The following ARK2C variants were observed in gnomAD, a reference collection of about 807,000 sequenced individuals.
The protein encoded by ARK2C is E3 ubiquitin-protein ligase ARK2C.
At chr18:46,385,449 A>G in the ARK2C span, among the ~76,000 whole-genome samples, 2 of 152,210 alleles carry the variant, frequency 1.3e-5, no homozygotes, top group Non-Finnish European at 2.9e-5. Context: ...GTGTTGCACA[A>G]GGATGTCCAG....
At chr18:46,346,495 G>T in the ARK2C span, among the ~76,000 whole-genome samples, 1 of 152,178 alleles carries the variant, frequency 6.6e-6, no homozygotes, top group African/African-American at 2.4e-5. Flanking sequence ...CTTCTTGGGG[G>T]CCGAGGGGAT....
chr18:46,447,377 T>C, the ARK2C span: 1,111 of 649,700 alleles, frequency 1.7e-3, 14 homozygotes, highest in East Asian at 0.018. Context: ...TTCAGAGTCC[T>C]TTCCTTCTCT....
At chr18:46,425,810 G>C in the ARK2C span, among the ~76,000 whole-genome samples, 2 of 152,086 alleles carry the variant, frequency 1.3e-5, no homozygotes, top group Non-Finnish European at 2.9e-5. Context: ...GTCTGTTTTG[G>C]ATGCTCTAAC....
chr18:46,463,059 G>C, the ARK2C span: 4 of 152,362 alleles, frequency 2.6e-5, no homozygotes, highest in Admixed American at 1.3e-4. Flanking sequence ...ATTAGGAATT[G>C]TGTAAATGCT....
the ARK2C span, among the ~76,000 whole-genome samples, chr18:46,444,461 C>T: frequency 6.6e-6 from 1 of 151,740 alleles, no homozygotes; most frequent in East Asian, 1.9e-4. Context: ...TGGTGTGCTT[C>T]ATTTTGGATT....
chr18:46,364,370 TA>T, the ARK2C span, among the ~76,000 whole-genome samples: 1 of 150,674 alleles, frequency 6.6e-6, no homozygotes, highest in South Asian at 2.1e-4. Flanking sequence ...TTAACAACAT[TA>T]AACAAAACAT....
At chr18:46,400,530 T>G in the ARK2C span, among the ~76,000 whole-genome samples, 1 of 152,074 alleles carries the variant, frequency 6.6e-6, no homozygotes, top group Non-Finnish European at 1.5e-5. Flanking sequence ...CACCATCCTG[T>G]GTTAAGTGTT....
At chr18:46,409,376 C>G in the ARK2C span, among the ~76,000 whole-genome samples, 1 of 152,134 alleles carries the variant, frequency 6.6e-6, no homozygotes, top group Non-Finnish European at 1.5e-5. Flanking sequence ...TCAAGGGATC[C>G]TTTGAGGTTT....
At chr18:46,355,100 C>T in the ARK2C span, among the ~76,000 whole-genome samples, 1 of 152,092 alleles carries the variant, frequency 6.6e-6, no homozygotes, top group Non-Finnish European at 1.5e-5. Context: ...CGGGAACATG[C>T]CACCATGCCT....
the ARK2C span, chr18:46,462,338 C>T: frequency 1.3e-5 from 2 of 153,606 alleles, no homozygotes; most frequent in Non-Finnish European, 2.9e-5. Flanking sequence ...TCCCCTTTCC[C>T]TCCTTCACAG....
the ARK2C span, among the ~76,000 whole-genome samples, chr18:46,394,667 G>A: frequency 2.6e-5 from 4 of 152,190 alleles, no homozygotes; most frequent in Non-Finnish European, 4.4e-5. Flanking sequence ...TGACCCTGGC[G>A]AGGTTACTTC....
chr18:46,387,911 C>T, the ARK2C span, among the ~76,000 whole-genome samples: 2 of 152,226 alleles, frequency 1.3e-5, no homozygotes, highest in African/African-American at 2.4e-5. Flanking sequence ...GGCAGTCACG[C>T]CTAATCAACC....
At chr18:46,419,485 G>A in the ARK2C span, among the ~76,000 whole-genome samples, 1 of 152,202 alleles carries the variant, frequency 6.6e-6, no homozygotes, top group South Asian at 2.1e-4. Context: ...GGGTACCCAA[G>A]TCACTCCCCT....
chr18:46,348,231 G>T, the ARK2C span, among the ~76,000 whole-genome samples: 2 of 147,948 alleles, frequency 1.4e-5, no homozygotes, highest in African/African-American at 5.3e-5. Context: ...CAAGGGGCTG[G>T]GGGGGGTGAG....
the ARK2C span, chr18:46,334,396 G>A: frequency 2.0e-6 from 3 of 1,496,542 alleles, no homozygotes; most frequent in Non-Finnish European, 2.7e-6. This position sits in a 1 kb window ranked among gnomAD's most constrained non-coding sequence, Gnocchi z 4.4. Context: ...CACCGGGGCG[G>A]GGGCGGGCGC....
the ARK2C span, among the ~76,000 whole-genome samples, chr18:46,400,944 G>C: frequency 6.6e-6 from 1 of 152,158 alleles, no homozygotes; most frequent in East Asian, 1.9e-4. Context: ...GAAGTGGTGG[G>C]AGATGGGATA....
chr18:46,334,480 AG>A, the ARK2C span: 1 of 630,362 alleles, frequency 1.6e-6, no homozygotes, highest in Non-Finnish European at 2.4e-6. This position sits in a 1 kb window ranked among gnomAD's most constrained non-coding sequence, Gnocchi z 4.4. Flanking sequence ...ACCCCATTTT[AG>A]GGGGACCCCC....
the ARK2C span, among the ~76,000 whole-genome samples, chr18:46,431,069 G>A: frequency 6.6e-6 from 1 of 152,038 alleles, no homozygotes; most frequent in African/African-American, 2.4e-5. Context: ...ACAGGCCCCG[G>A]TGTGTGATGT....
At chr18:46,362,245 TG>T in the ARK2C span, among the ~76,000 whole-genome samples, 1 of 152,244 alleles carries the variant, frequency 6.6e-6, no homozygotes, top group Non-Finnish European at 1.5e-5. Flanking sequence ...GATGGATTCT[TG>T]GGGAGGCAGG....
Sources: gnomAD v4.1 joint callset for allele counts (sites outside exome capture counted in the v4.1 genomes callset) on GRCh38, gnomAD v4.1.1 for gene constraint, Gnocchi (gnomAD v3.1) non-coding constraint, MANE v1.5 for transcripts, NCBI Gene and HGNC (gene_info 2026-07-23, HGNC 2026-07-21) for gene names.